The following HSPG2 variants were observed in gnomAD, a reference collection of about 807,000 sequenced individuals.
The protein encoded by HSPG2 is basement membrane-specific heparan sulfate proteoglycan core protein.
Under a neutral mutation model 526.6 loss-of-function variants are expected in HSPG2, and 278 were observed. The ratio of observed to expected loss-of-function variants is 0.53; its 90% CI spans 0.48 to 0.58. The LOEUF (loss-of-function observed/expected upper bound fraction) is 0.58, where lower values mean the gene tolerates loss of function less well. Among genes scored for constraint, HSPG2 ranks in the 20% least tolerant of loss-of-function variants. The pLI is 0.00. For synonymous variants in HSPG2, 2,465 were observed against 2,555.4 expected (o/e 0.96, Z 1.07); for missense variants, 5,354 against 6,099.5 (o/e 0.88, Z 4.07).
chr1:21,829,233 G>A, intron 87 of HSPG2, 150 bp downstream of exon 87: 1 of 1,348,062 alleles, frequency 7.4e-7, no homozygotes. Flanking sequence ...CTAGGGATTG[G>A]CCTCAAGTGA....
At position 21,884,670 on chromosome 1, in the gene HSPG2, G is replaced by C. The variant is rs763422272; in HGVS notation, c.1512C>G (p.Pro504=). Residue 504 remains proline (P), a synonymous_variant, in exon 13 of 97, where the codon CCC becomes CCG. Coordinates refer to ENST00000374695, the MANE Select transcript of HSPG2 (RefSeq NM_005529.7). ...GVLELVPQRG[P]CPDGHFYLEH... The stretch of plus-strand genomic sequence containing the variant: ...CCAGGTAGAAGTGGCCGTCAGGGCA[G>C]GGGCCTGCTGGGCGGCATGGGCGGG... The C allele has an allele frequency of 6.2e-7, 1 of 1,611,386 alleles. No individual in the cohort carries two copies. Among genetic ancestry groups the C allele is most frequent in the Non-Finnish European group, 8.5e-7 (1 of 1,179,086 alleles).
At chr1:21,897,010 G>GC (rs555160295) in intron 1 of HSPG2, among the ~76,000 whole-genome samples, 5 of 152,182 alleles carry the variant, frequency 3.3e-5, no homozygotes, top group Non-Finnish European at 5.9e-5. Context: ...TCAGGCTGCT[G>GC]CCGAGCCCAG....
Position 21,875,702 on chromosome 1 carries a change from G to A in HSPG2, c.3229C>T (p.Leu1077=). 6.2e-7 allele frequency: 1 copy of A among 1,604,824 alleles called. No homozygotes were observed. The highest frequency in any genetic ancestry group is 8.5e-7 in the Non-Finnish European group (1 of 1,179,974). ...PDGQPATREH[L]LMALAGIDTL... is the part of the protein sequence containing the mutation. The stretch of plus-strand genomic sequence containing the variant: ...TCGATGCCTGCCAGTGCCATCAGCA[G>A]GTGCTCCCGTGTGGCTGGCTGCCCA... Residue 1077 remains leucine (L), a synonymous_variant, in exon 25 of 97, where the codon CTG becomes TTG. Coordinates refer to ENST00000374695, the MANE Select transcript of HSPG2 (RefSeq NM_005529.7).
intron 74 of HSPG2, among the ~76,000 whole-genome samples, chr1:21,838,284 G>T (rs1264629131): frequency 1.3e-5 from 2 of 152,180 alleles, no homozygotes; most frequent in African/African-American, 4.8e-5. Flanking sequence ...TGGGCTACAT[G>T]CTGTGCTGCT....
At position 21,839,364 on chromosome 1, in the gene HSPG2, G is replaced by A. The variant is rs1375546938; in HGVS notation, c.9889+7C>T. On this transcript the variant is annotated splice_region_variant and intron_variant, in intron 73 of 96. Coordinates refer to ENST00000374695, the MANE Select transcript of HSPG2 (RefSeq NM_005529.7). This position sits in a 1 kb window ranked among gnomAD's most constrained non-coding sequence, Gnocchi z 4.5. Reference sequence around the variant, plus strand: ...TTGGTGCAGACAAAGAAGGGATGAGGCCTTACTCTCCACGTGCAGGATGAT... The same window carrying A: ...TTGGTGCAGACAAAGAAGGGATGAGACCTTACTCTCCACGTGCAGGATGAT... The A allele has an allele frequency of 1.2e-6, 2 of 1,610,596 alleles. No homozygotes were observed. Among genetic ancestry groups the A allele is most frequent in the East Asian group, 2.2e-5 (1 of 44,872 alleles).
At chr1:21,899,694 T>C (rs1218316994) in intron 1 of HSPG2, among the ~76,000 whole-genome samples, 1 of 152,202 alleles carries the variant, frequency 6.6e-6, no homozygotes, top group Non-Finnish European at 1.5e-5. Context: ...TTGCAATGCA[T>C]TTCCTCAGCC....
rs559891574 is a variant in HSPG2, at chr1:21,861,623, G to A, written c.4955+134C>T. 9.5e-6 allele frequency: 8 copies of A among 844,856 alleles called. No individual in the cohort carries two copies. The East Asian group carries it at 1.1e-4, about 11-fold the overall frequency. 52.3% of individuals were successfully genotyped at this position (844,856 alleles called of 1,614,324 possible). A position where few individuals can be genotyped will look rare whatever the true frequency, so the allele number is the denominator to read the frequency against. On this transcript the variant is annotated intron_variant, in intron 39 of 96. Coordinates refer to ENST00000374695, the MANE Select transcript of HSPG2 (RefSeq NM_005529.7). ...GGGCTTGTCCCAAGAGCAATGAGGT[G>A]TCTTAGAAGTGTTTGAGGCAGGGAA...
intron 40 of HSPG2, 24 bp downstream of exon 40, chr1:21,860,153 A>C (rs1345803141): frequency 6.2e-7 from 1 of 1,613,270 alleles, no homozygotes; most frequent in Non-Finnish European, 8.5e-7. Context: ...CATCGTCCCC[A>C]TCCTGGGCCA....
chr1:21,903,867 A>G (rs927906773), intron 1 of HSPG2, among the ~76,000 whole-genome samples: 3 of 152,096 alleles, frequency 2.0e-5, no homozygotes, highest in Admixed American at 6.5e-5. Flanking sequence ...TGGCGAGAAC[A>G]CTTGACCACC....
rs2098036823 is a variant in HSPG2 at position 21,838,756 on chromosome 1, G to A, written c.10150+69C>T. On this transcript the variant is annotated intron_variant, in intron 74 of 96. Transcript: ENST00000374695. ...GAGGGAGGCCTTCCCACCCGAGTCT[G>A]CCTAGCTGGGTCATCAAAGGGCCAG... The A allele has an allele frequency of 5.8e-6, 9 of 1,544,000 alleles. No individual in the cohort carries two copies. The South Asian group carries it at 8.1e-5, about 14-fold the overall frequency.
chr1:21,849,614 C>T (rs1446141342), intron 57 of HSPG2, among the ~76,000 whole-genome samples: 1 of 152,008 alleles, frequency 6.6e-6, no homozygotes, highest in Admixed American at 6.6e-5. Flanking sequence ...AAGTGACTGG[C>T]CTAAAGTCAC....
intron 1 of HSPG2, among the ~76,000 whole-genome samples, chr1:21,915,197 G>GAT (rs141467444): frequency 1.0e-4 from 2 of 19,444 alleles, no homozygotes; most frequent in Non-Finnish European, 3.7e-4. Context: ...GAGCGGGCAG[G>GAT]GTGCCCCCGT....
rs761710231 is a variant in HSPG2 at position 21,855,438 on chromosome 1, C to T, written c.5863G>A (p.Gly1955Arg). 2 of 1,613,196 alleles carry T rather than the reference C, an allele frequency of 1.2e-6. No individual in the cohort carries two copies. Among genetic ancestry groups the T allele is most frequent in the South Asian group, 2.2e-5 (2 of 90,946 alleles). ...RAVLHVHGGG[G>R]PRVQVSPERT... ...TCTGGGCTCACTTGGACTCTGGGCC[C>T]ACCGCCCCCTGCAGACAGAGTCCTG... The change falls in exon 47 of 97, where the codon GGG becomes AGG. Residue 1955 changes from glycine (G) to arginine (R), a missense_variant. Transcript: ENST00000374695.
intron 77 of HSPG2, 43 bp downstream of exon 77, chr1:21,834,636 C>A (rs1056735246): frequency 6.2e-7 from 1 of 1,610,186 alleles, no homozygotes; most frequent in Non-Finnish European, 8.5e-7. Context: ...GAAGCCCCTG[C>A]CCCACTCACT....
intron 1 of HSPG2, among the ~76,000 whole-genome samples, 169 bp from the exon 2 acceptor site, chr1:21,896,479 T>C (rs566692073): frequency 3.3e-5 from 5 of 152,272 alleles, no homozygotes; most frequent in African/African-American, 1.2e-4. Context: ...CCCTTTTGAT[T>C]CAGTTTCCCC....
chr1:21,863,435 C>T (rs891429862), intron 37 of HSPG2, among the ~76,000 whole-genome samples: 1 of 151,980 alleles, frequency 6.6e-6, no homozygotes, highest in African/African-American at 2.4e-5. Context: ...ATGTGGGTTA[C>T]AGATTCTCCT....
At position 21,876,417 on chromosome 1, in the gene HSPG2, A is replaced by G; in HGVS notation, c.2827-12T>C. 2 of 1,610,386 alleles carry G rather than the reference A, an allele frequency of 1.2e-6. No homozygotes were observed. Among genetic ancestry groups the G allele is most frequent in the South Asian group, 2.2e-5 (2 of 90,450 alleles). On this transcript the variant is annotated splice_polypyrimidine_tract_variant and intron_variant, in intron 22 of 96. Coordinates refer to ENST00000374695, the MANE Select transcript of HSPG2 (RefSeq NM_005529.7). ...GAGGCCCCATGCAACTGGGAGGAGG[A>G]GAAAGGGCTGGGATGGGGGCCGTGG...
rs953759911 is a variant in HSPG2, at chr1:21,822,420, T to C, written c.*896A>G. 1.7e-6 allele frequency: 1 copy of C among 583,938 alleles called. No individual in the cohort carries two copies. The highest frequency in any genetic ancestry group is 2.0e-5 in the South Asian group (1 of 49,826). 36.2% of individuals were successfully genotyped at this position (583,938 alleles called of 1,614,324 possible). ...GGGCAGGGTGGTCATATCCCCCTCC[T>C]CTCTCTCTCAGTCGTGAGTCCTGCC... On this transcript the variant is annotated 3_prime_UTR_variant, in exon 97 of 97. Coordinates refer to ENST00000374695, the MANE Select transcript of HSPG2 (RefSeq NM_005529.7).
chr1:21,875,055 C>T (rs900350129), intron 25 of HSPG2, 53 bp from the exon 26 acceptor site: 80 of 1,306,806 alleles, frequency 6.1e-5, no homozygotes, highest in Non-Finnish European at 8.4e-5. Context: ...GTGCCAGGCA[C>T]GCCTGGAGTC....
Sources: allele counts gnomAD v4.1 joint callset (sites outside exome capture counted in the v4.1 genomes callset), GRCh38; gene constraint gnomAD v4.1.1; non-coding constraint Gnocchi (gnomAD v3.1); transcripts MANE v1.5; gene names NCBI Gene and HGNC (gene_info 2026-07-23, HGNC 2026-07-21).